MED12L: variants seen among roughly 807,000 people sequenced by gnomAD.
The protein encoded by MED12L is mediator complex subunit 12L, also known as mediator of RNA polymerase II transcription subunit 12-like protein.
MED12L carries 60 observed loss-of-function variants against 281.3 expected under a neutral mutation model. The observed-to-expected ratio is 0.21, with a 90% CI of 0.17 to 0.26. The LOEUF (loss-of-function observed/expected upper bound fraction) is 0.26. MED12L is among the 10% of genes least tolerant of loss of function. MED12L has a pLI of 1.00. For missense variants in MED12L, 2,146 were observed against 2,680.9 expected (o/e 0.80, Z 4.41); for synonymous variants, 974 against 987.2 (o/e 0.99, Z 0.25).
intron 16 of MED12L, chr3:151,338,776 T>G (rs1462064812): frequency 6.2e-7 from 1 of 1,613,752 alleles, no homozygotes; most frequent in Non-Finnish European, 8.5e-7. Context: ...AGGACCTGGG[T>G]GATTTTGTAG....
At chr3:151,125,291 A>G (rs1163518482) in intron 4 of MED12L, among the ~76,000 whole-genome samples, 1 of 152,136 alleles carries the variant, frequency 6.6e-6, no homozygotes, top group African/African-American at 2.4e-5. Context: ...CTTCTTTCAC[A>G]TATGTTCTTC....
At position 151,324,307 on chromosome 3, in the gene MED12L, G is replaced by A. The variant is rs1749326481; in HGVS notation, c.2251-25752G>A. On this transcript the variant is annotated intron_variant, in intron 16 of 44. Coordinates refer to ENST00000687756, the MANE Select transcript of MED12L (RefSeq NM_001393769.1). The stretch of plus-strand genomic sequence containing the variant: ...AGCTGCTTGGGTAAGGTCCTGGGAG[G>A]TTCTTGTTAGCCTCTAGGTCAGGGC... 1.3e-5 allele frequency among the ~76,000 whole-genome samples: 2 copies of A among 152,132 alleles called. 1 individual carries two copies. The highest frequency in any genetic ancestry group is 4.1e-4 in the South Asian group (2 of 4,836).
intron 31 of MED12L, among the ~76,000 whole-genome samples, chr3:151,379,635 C>G (rs1711879298): frequency 6.6e-6 from 1 of 152,142 alleles, no homozygotes; most frequent in Non-Finnish European, 1.5e-5. Flanking sequence ...GCTTTTTGGT[C>G]TTGGGAAATG....
rs1384616247 is a variant in MED12L at position 151,432,943 on chromosome 3, A to C, written c.*139A>C. On this transcript the variant is annotated 3_prime_UTR_variant, in exon 45 of 45. Coordinates refer to ENST00000687756, the MANE Select transcript of MED12L (RefSeq NM_001393769.1). Reference sequence around the variant, plus strand: ...ACTATATTTTATGCTACATCTCACAAAAAAAAAAAAAGGTGTTTAAACAAA... The same window carrying C: ...ACTATATTTTATGCTACATCTCACACAAAAAAAAAAAGGTGTTTAAACAAA... The C allele has an allele frequency of 4.0e-5, 4 of 100,600 alleles. No homozygotes were observed. The highest frequency in any genetic ancestry group is 1.8e-4 in the Admixed American group (1 of 5,406). 6.2% of individuals were successfully genotyped at this position (100,600 alleles called of 1,614,324 possible).
At chr3:151,146,138 C>A (rs547154796) in intron 5 of MED12L, among the ~76,000 whole-genome samples, 52 of 152,334 alleles carry the variant, frequency 3.4e-4, no homozygotes, top group Non-Finnish European at 6.3e-4. Flanking sequence ...CGACTCCAGA[C>A]CTCTGGAGTT....
At position 151,434,412 on chromosome 3, in the gene MED12L, A is replaced by G. The variant is rs1187442112; in HGVS notation, c.*1608A>G. On this transcript the variant is annotated 3_prime_UTR_variant, in exon 45 of 45. Coordinates refer to ENST00000687756, the MANE Select transcript of MED12L (RefSeq NM_001393769.1). ...GTGAACTGCTTTGTACACTGTGAAA[A>G]TATTTCACTCCAGCCTGCCCATTTT... is the stretch of plus-strand genomic sequence containing the variant. The G allele has an allele frequency of 6.6e-6, 1 of 152,166 alleles. No individual in the cohort carries two copies. Among genetic ancestry groups the G allele is most frequent in the Non-Finnish European group, 1.5e-5 (1 of 68,026 alleles). The allele number at this position is 152,166 out of a possible 1,614,324, so 9.4% of individuals were successfully genotyped here.
chr3:151,233,763 A>T (rs746759862), intron 16 of MED12L, among the ~76,000 whole-genome samples: 14 of 152,162 alleles, frequency 9.2e-5, no homozygotes, highest in Admixed American at 3.3e-4. Flanking sequence ...CACAGCACCG[A>T]CTTGAGAGCG....
intron 16 of MED12L, chr3:151,295,273 G>T: frequency 8.6e-7 from 1 of 1,158,648 alleles, no homozygotes; most frequent in Non-Finnish European, 1.2e-6. Flanking sequence ...AGGCTACTAG[G>T]TTCCCTTACA....
At chr3:151,407,523 T>C (rs1460616584) in intron 39 of MED12L, among the ~76,000 whole-genome samples, 1 of 152,180 alleles carries the variant, frequency 6.6e-6, no homozygotes, top group African/African-American at 2.4e-5. Flanking sequence ...AAGGATCTGG[T>C]TGATTTAATT....
intron 5 of MED12L, among the ~76,000 whole-genome samples, chr3:151,129,432 C>G (rs138816254): frequency 5.9e-5 from 9 of 151,654 alleles, no homozygotes; most frequent in African/African-American, 2.2e-4. Context: ...ACAGTGATGG[C>G]CTCTTAGTGT....
chr3:151,177,271 G>A (rs1002047137), intron 11 of MED12L, among the ~76,000 whole-genome samples: 5 of 152,156 alleles, frequency 3.3e-5, no homozygotes, highest in East Asian at 3.8e-4. Context: ...TACATGTAAC[G>A]GTGATCCTCC....
At chr3:151,245,043 C>A (rs1021793286) in intron 16 of MED12L, among the ~76,000 whole-genome samples, 1 of 152,174 alleles carries the variant, frequency 6.6e-6, no homozygotes, top group African/African-American at 2.4e-5. Flanking sequence ...TTCCTTGACA[C>A]ATACACTCTC....
At chr3:151,407,262 G>T (rs1179384617) in intron 39 of MED12L, among the ~76,000 whole-genome samples, 1 of 152,202 alleles carries the variant, frequency 6.6e-6, no homozygotes, top group Admixed American at 6.5e-5. Flanking sequence ...GAAGAGCGAA[G>T]AGTTAGAAAA....
chr3:151,349,034 T>G (rs953234444), intron 16 of MED12L, among the ~76,000 whole-genome samples: 4 of 152,232 alleles, frequency 2.6e-5, no homozygotes, highest in Non-Finnish European at 5.9e-5. Flanking sequence ...GGCAAAAATA[T>G]ACATAGAGTA....
chr3:151,151,387 G>T (rs1192578304), intron 5 of MED12L, among the ~76,000 whole-genome samples: 1 of 151,970 alleles, frequency 6.6e-6, no homozygotes, highest in African/African-American at 2.4e-5. Context: ...GCGTCCACAG[G>T]TTGGCTGTTT....
Position 151,278,416 on chromosome 3 carries a change from G to A in MED12L, c.2251-71643G>A, listed in dbSNP as rs541700301. ...AACTACGGATGAAAATCAGGAACTT[G>A]ACAGAAACCACAAGATAGTGGGTCC... On this transcript the variant is annotated intron_variant, in intron 16 of 44. Transcript: ENST00000687756. 3 of 152,300 alleles carry A rather than the reference G, an allele frequency of 2.0e-5. No homozygotes were observed. In the South Asian group the frequency reaches 6.2e-4, roughly 32 times the overall value. The allele number at this position is 152,300 out of a possible 1,614,324, so 9.4% of individuals were successfully genotyped here.
intron 16 of MED12L, among the ~76,000 whole-genome samples, chr3:151,279,166 A>G (rs1742402846): frequency 6.6e-6 from 1 of 152,260 alleles, no homozygotes; most frequent in Non-Finnish European, 1.5e-5. Flanking sequence ...AACCAGAAAG[A>G]AAGAAGACAA....
intron 43 of MED12L, among the ~76,000 whole-genome samples, chr3:151,417,166 C>A (rs549718370): frequency 6.6e-6 from 1 of 152,138 alleles, no homozygotes; most frequent in African/African-American, 2.4e-5. Context: ...CTCCATTTAA[C>A]TGAGTGATGT....
intron 16 of MED12L, among the ~76,000 whole-genome samples, chr3:151,238,832 T>C (rs1733461721): frequency 6.6e-6 from 1 of 152,252 alleles, no homozygotes; most frequent in Non-Finnish European, 1.5e-5. Flanking sequence ...CTACTTATGA[T>C]TGTCTAGAGG....
Sources: gnomAD v4.1 joint callset for allele counts (sites outside exome capture counted in the v4.1 genomes callset) on GRCh38, gnomAD v4.1.1 for gene constraint, MANE v1.5 for transcripts, NCBI Gene and HGNC (gene_info 2026-07-23, HGNC 2026-07-21) for gene names.